WWOX: variants seen among roughly 807,000 people sequenced by gnomAD.
WWOX encodes the protein WW domain containing oxidoreductase.
In WWOX, 69 loss-of-function variants were observed where a neutral mutation model predicts 46.2. That is an observed-to-expected ratio of 1.49 (90% confidence interval 1.23 to 1.82). WWOX has a LOEUF of 1.82. Ranked by LOEUF, WWOX falls within the 40% of genes most tolerant of loss-of-function variation. WWOX has a pLI of 0.00. For missense variants in WWOX, 919 were observed against 542.6 expected (o/e 1.69, Z -6.89); for synonymous variants, 359 against 202.6 (o/e 1.77, Z -6.56).
intron 8 of WWOX, among the ~76,000 whole-genome samples, chr16:78,881,934 C>T (rs948048653): frequency 1.2e-4 from 18 of 152,030 alleles, no homozygotes; most frequent in Non-Finnish European, 2.5e-4. Context: ...ATAATCCTGG[C>T]CAACATGGTG....
chr16:78,680,709 G>A (rs1470947771), intron 8 of WWOX, among the ~76,000 whole-genome samples: 1 of 152,168 alleles, frequency 6.6e-6, no homozygotes, highest in Non-Finnish European at 1.5e-5. Context: ...ACTGTGGGTA[G>A]CACATACAGA....
chr16:78,759,777 C>G (rs367623229), intron 8 of WWOX, among the ~76,000 whole-genome samples: 2 of 152,160 alleles, frequency 1.3e-5, no homozygotes, highest in South Asian at 2.1e-4. Context: ...TCTTATCTTA[C>G]AGTTCTGAAG....
chr16:78,241,553 C>G (rs1886541239), intron 5 of WWOX, among the ~76,000 whole-genome samples: 2 of 152,242 alleles, frequency 1.3e-5, no homozygotes, highest in South Asian at 4.1e-4. Context: ...ATTCTCCTGC[C>G]TTAGGCTCCT....
chr16:79,094,976 G>T (rs1348517484), intron 8 of WWOX, among the ~76,000 whole-genome samples: 1 of 152,112 alleles, frequency 6.6e-6, no homozygotes, highest in East Asian at 1.9e-4. Context: ...AATTCTTCGG[G>T]CACACAGGAG....
chr16:78,154,283 C>A (rs1158276861), intron 4 of WWOX, among the ~76,000 whole-genome samples: 1 of 152,084 alleles, frequency 6.6e-6, no homozygotes, highest in East Asian at 1.9e-4. Flanking sequence ...GTATCTTGAG[C>A]GAGTCCATTG....
chr16:78,676,042 G>A (rs72796622), intron 8 of WWOX, among the ~76,000 whole-genome samples: 4,200 of 151,936 alleles, frequency 0.028, 81 homozygotes, highest in Non-Finnish European at 0.043. Context: ...CTTCTTCTCC[G>A]CTGCTTGTTT....
intron 8 of WWOX, among the ~76,000 whole-genome samples, chr16:78,447,658 C>T (rs962405816): frequency 1.3e-5 from 2 of 152,078 alleles, no homozygotes; most frequent in Non-Finnish European, 2.9e-5. Context: ...GACATTTACT[C>T]GAGAAAGAAT....
chr16:78,666,048 G>C (rs1164221168), intron 8 of WWOX, among the ~76,000 whole-genome samples: 1 of 151,906 alleles, frequency 6.6e-6, no homozygotes, highest in Admixed American at 6.5e-5. Context: ...ACTCTGGGAG[G>C]CTAAGGCTGG....
chr16:78,213,410 T>C (rs1386658230), intron 5 of WWOX, among the ~76,000 whole-genome samples: 1 of 151,744 alleles, frequency 6.6e-6, no homozygotes, highest in Non-Finnish European at 1.5e-5. Flanking sequence ...CCACAATCCA[T>C]TGGTGAAAGC....
chr16:78,616,292 G>A (rs1207186831), intron 8 of WWOX, among the ~76,000 whole-genome samples: 1 of 151,940 alleles, frequency 6.6e-6, no homozygotes, highest in Non-Finnish European at 1.5e-5. Flanking sequence ...AAAATGCCAT[G>A]GACTGAATAA....
intron 8 of WWOX, among the ~76,000 whole-genome samples, chr16:78,731,336 G>T (rs549154091): frequency 1.3e-5 from 2 of 152,094 alleles, no homozygotes; most frequent in African/African-American, 4.8e-5. Flanking sequence ...TTCAGGTAGA[G>T]GCTGAATGAT....
chr16:78,632,369 T>C (rs763033200), intron 8 of WWOX, among the ~76,000 whole-genome samples: 5 of 152,100 alleles, frequency 3.3e-5, no homozygotes, highest in Non-Finnish European at 7.4e-5. Context: ...AGAGTCATTA[T>C]TGAGTTATTC....
intron 8 of WWOX, chr16:79,016,807 C>G (rs1031886517): frequency 1.3e-5 from 2 of 152,236 alleles, no homozygotes; most frequent in African/African-American, 4.8e-5. Flanking sequence ...AGATGATGAC[C>G]TCAACTACTG....
Position 78,903,206 on chromosome 16 carries a change from C to G in WWOX, c.1057-308402C>G, listed in dbSNP as rs146690038. Among the ~76,000 whole-genome samples, 82 of 152,272 alleles carry G rather than the reference C, an allele frequency of 5.4e-4. 1 individual carries two copies. The East Asian group carries it at 0.016, about 29-fold the overall frequency. ...CCCATTGGCCACTTGGGGTACACCCCTTATAAATGAAGTGGTGGCCTGCAA... is the reference window on the plus strand; with the variant it reads ...CCCATTGGCCACTTGGGGTACACCCGTTATAAATGAAGTGGTGGCCTGCAA... On this transcript the variant is annotated intron_variant, in intron 8 of 8. Coordinates refer to ENST00000566780, the MANE Select transcript of WWOX (RefSeq NM_016373.4).
At chr16:78,845,268 A>G (rs965175684) in intron 8 of WWOX, among the ~76,000 whole-genome samples, 1 of 152,030 alleles carries the variant, frequency 6.6e-6, no homozygotes, top group Non-Finnish European at 1.5e-5. Context: ...ACTTAAGACT[A>G]CATGGCTAAT....
At chr16:78,763,559 C>T (rs918744629) in intron 8 of WWOX, among the ~76,000 whole-genome samples, 1 of 152,182 alleles carries the variant, frequency 6.6e-6, no homozygotes, top group Non-Finnish European at 1.5e-5. Flanking sequence ...CTCTCAAACT[C>T]AGGTTCTTTG....
intron 5 of WWOX, among the ~76,000 whole-genome samples, chr16:78,249,086 C>T (rs2037909573): frequency 6.6e-6 from 1 of 152,068 alleles, no homozygotes; most frequent in African/African-American, 2.4e-5. Flanking sequence ...ATCTCCTGAC[C>T]TTGTGATCCT....
At chr16:78,131,295 C>G (rs369531281) in intron 4 of WWOX, among the ~76,000 whole-genome samples, 12 of 152,278 alleles carry the variant, frequency 7.9e-5, no homozygotes, top group African/African-American at 2.9e-4. Flanking sequence ...TCACTGTAGC[C>G]TCTCCCTCCT....
At chr16:78,599,105 G>C (rs1456073600) in intron 8 of WWOX, among the ~76,000 whole-genome samples, 1 of 152,166 alleles carries the variant, frequency 6.6e-6, no homozygotes, top group East Asian at 1.9e-4. Context: ...CTGAATGCCA[G>C]CTCAAGCTGC....
Sources: allele counts gnomAD v4.1 joint callset (sites outside exome capture counted in the v4.1 genomes callset), GRCh38; gene constraint gnomAD v4.1.1; transcripts MANE v1.5; gene names NCBI Gene and HGNC (gene_info 2026-07-23, HGNC 2026-07-21).